HHATL: variants seen among roughly 807,000 people sequenced by gnomAD.
HHATL encodes protein-cysteine N-palmitoyltransferase HHAT-like protein.
In HHATL, 49 loss-of-function variants were observed where a neutral mutation model predicts 59.7. The ratio of observed to expected loss-of-function variants is 0.82; its 90% CI spans 0.65 to 1.04. The LOEUF is 1.04. Ranked by LOEUF, HHATL falls within the 50% of genes least tolerant of loss-of-function variation. The probability of loss-of-function intolerance (pLI) is 0.00; values close to 1 mark genes in which losing one functional copy is unlikely to be tolerated. For missense variants in HHATL, 605 were observed against 650.8 expected, an observed-to-expected ratio of 0.93 and a Z score of 0.77; for synonymous variants, 238 against 257.3, an observed-to-expected ratio of 0.93 and a Z score of 0.72.
chr3:42,698,185 A>G lies in HHATL; in HGVS notation c.650T>C (p.Phe217Ser). ...LLKYNFYLPF[F>S]FFGPIMTFDR... ...AAAGGTCATGATGGGCCCGAAGAAG[A>G]AGAAGGGCAGGTAGAAGTTGTACTT... is the stretch of plus-strand genomic sequence containing the variant. The change falls in exon 6 of 12, where the codon TTC becomes TCC. Residue 217 changes from phenylalanine to serine, a missense_variant. Phe to Ser is a radical substitution (Grantham distance 155). Coordinates refer to ENST00000441594, the MANE Select transcript of HHATL (RefSeq NM_020707.4). 6.2e-7 allele frequency: 1 copy of G among 1,614,184 alleles called. No homozygotes were observed. The highest frequency in any genetic ancestry group is 8.5e-7 in the Non-Finnish European group (1 of 1,180,024).
At chr3:42,695,000 A>C (rs1428590409) in intron 9 of HHATL, among the ~76,000 whole-genome samples, 12 of 152,044 alleles carry the variant, frequency 7.9e-5, no homozygotes, top group Admixed American at 7.9e-4. Context: ...CTGTATCCCC[A>C]GTGCCTAGAA....
Position 42,697,499 on chromosome 3 carries a change from T to C in HHATL, c.865+9A>G. 1.2e-6 allele frequency: 2 copies of C among 1,612,404 alleles called. No individual in the cohort carries two copies. Among genetic ancestry groups the C allele is most frequent in the East Asian group, 2.2e-5 (1 of 44,848 alleles). On this transcript the variant is annotated intron_variant, in intron 7 of 11. Transcript: ENST00000441594. ...CAGCCCTGCCCCCATTTCTCTTCTGTGGACCCACCGAGGGCACTGTCTGGG... is the reference window on the plus strand; with the variant it reads ...CAGCCCTGCCCCCATTTCTCTTCTGCGGACCCACCGAGGGCACTGTCTGGG...
chr3:42,697,466 T>C (rs750379198), intron 7 of HHATL, 42 bp downstream of exon 7: 7 of 1,585,484 alleles, frequency 4.4e-6, no homozygotes, highest in Middle Eastern at 1.7e-4. Context: ...TCTGTTTTCC[T>C]GGGGCGGCAG....
intron 6 of HHATL, 123 bp from the exon 7 acceptor site, chr3:42,697,802 G>T: frequency 9.6e-7 from 1 of 1,046,104 alleles, no homozygotes. Context: ...TCCTGCCTGA[G>T]GGTGGAGACA....
intron 10 of HHATL, 93 bp downstream of exon 10, chr3:42,693,523 TA>T: frequency 1.8e-6 from 2 of 1,097,108 alleles, no homozygotes; most frequent in Non-Finnish European, 2.7e-6. Context: ...AGTTCTGGAT[TA>T]GGGGCCAGGT....
At chr3:42,699,194 G>T in intron 3 of HHATL, 49 bp from the exon 4 acceptor site, 1 of 1,387,540 alleles carries the variant, frequency 7.2e-7, no homozygotes, top group Middle Eastern at 1.8e-4. Context: ...GGGTGGGAGA[G>T]GGGACAGGAC....
In HHATL at chr3:42,698,787, A is replaced by C; in HGVS notation, c.404T>G (p.Leu135Trp). 2.5e-6 allele frequency: 4 copies of C among 1,612,990 alleles called. No individual in the cohort carries two copies. Among genetic ancestry groups the C allele is most frequent in the Admixed American group, 1.7e-5 (1 of 59,756 alleles). ...HCVGLYVASL[L>W]GQPWLCLGLG... ...GCCAAGACAGAGCCAGGGCTGGCCC[A>C]AAAGCGAGGCCACATAGAGGCCCAC... The change falls in exon 5 of 12, where the codon TTG (leucine) becomes TGG (tryptophan). Residue 135 changes from leucine to tryptophan, a missense_variant. Coordinates refer to ENST00000441594, the MANE Select transcript of HHATL (RefSeq NM_020707.4).
In HHATL at chr3:42,697,003, T is replaced by C. The variant is rs1258853756; in HGVS notation, c.1008A>G (p.Glu336=). 1 of 1,608,650 alleles carries C rather than the reference T, an allele frequency of 6.2e-7. No individual in the cohort carries two copies. Among genetic ancestry groups the C allele is most frequent in the Non-Finnish European group, 8.5e-7 (1 of 1,176,882 alleles). ...KCITALYVFA[E]THFDRGINDW... ...CCCCCGTCCTGGCCAGCACTCACGT[T>C]TCCGCAAAGACGTAGAGTGCGGTGA... Residue 336 remains glutamate (E), a splice_region_variant and synonymous_variant, in exon 8 of 12, where the codon GAA becomes GAG. Coordinates refer to ENST00000441594, the MANE Select transcript of HHATL (RefSeq NM_020707.4).
At chr3:42,697,767 G>C in intron 6 of HHATL, 88 bp from the exon 7 acceptor site, 1 of 1,366,228 alleles carries the variant, frequency 7.3e-7, no homozygotes, top group East Asian at 2.4e-5. Context: ...CTTGGGGCAG[G>C]AGGAGCCATG....
chr3:42,701,868 G>A lies in HHATL; in HGVS notation c.-14+711C>T, dbSNP rs986154672. Among the ~76,000 whole-genome samples, 1 of 152,220 alleles carries A rather than the reference G, an allele frequency of 6.6e-6. No individual in the cohort carries two copies. Among genetic ancestry groups the A allele is most frequent in the African/African-American group, 2.4e-5 (1 of 41,456 alleles). ...ACTCTTGGGCTGACGGGGCCAAGAG[G>A]TGGCTGATGTGGCCCTTTTGCCCAC... On this transcript the variant is annotated intron_variant, in intron 1 of 11. Coordinates refer to ENST00000441594, the MANE Select transcript of HHATL (RefSeq NM_020707.4). The surrounding 1 kb of genome is among the most constrained non-coding windows in gnomAD (Gnocchi z 5.1).
rs754576709 is a variant in HHATL at position 42,697,013 on chromosome 3, A to G, written c.998T>C (p.Val333Ala). The G allele has an allele frequency of 2.8e-5, 45 of 1,606,938 alleles. No homozygotes were observed. Among genetic ancestry groups the G allele is most frequent in the Non-Finnish European group, 3.7e-5 (43 of 1,175,858 alleles). ...QPPKCITALY[V>A]FAETHFDRGI... ...GGCCAGCACTCACGTTTCCGCAAAG[A>G]CGTAGAGTGCGGTGATGCACTTGGG... is the stretch of plus-strand genomic sequence containing the variant. The change falls in exon 8 of 12, where the codon GTC (valine) becomes GCC (alanine). Residue 333 changes from valine to alanine, a missense_variant. Physicochemically the swap from Val to Ala is moderately conservative, Grantham distance 64 (BLOSUM62 0). Transcript: ENST00000441594.
chr3:42,697,047 G>T lies in HHATL; in HGVS notation c.964C>A (p.Pro322Thr). 1.3e-6 allele frequency: 2 copies of T among 1,594,998 alleles called. No homozygotes were observed. The highest frequency in any genetic ancestry group is 1.7e-6 in the Non-Finnish European group (2 of 1,169,594). The stretch of plus-strand genomic sequence containing the variant: ...GCGGTGATGCACTTGGGAGGCTGGG[G>T]TGGGTCCAGGTGGTCGAGGCATGCC... ...TVACLDHLDP[P>T]QPPKCITALY... is the part of the protein sequence containing the mutation. Residue 322 changes from proline (P) to threonine (T), a missense_variant, in exon 8 of 12, where the codon CCC becomes ACC. Transcript: ENST00000441594.
At chr3:42,702,219 G>A (rs566622589) in intron 1 of HHATL, among the ~76,000 whole-genome samples, 2 of 152,242 alleles carry the variant, frequency 1.3e-5, no homozygotes, top group Admixed American at 1.3e-4. Flanking sequence ...GAGAGGCCCT[G>A]GGGATCAGGT....
intron 9 of HHATL, chr3:42,694,158 A>T (rs1697492606): frequency 6.6e-6 from 2 of 301,766 alleles, no homozygotes; most frequent in Middle Eastern, 1.1e-3. Flanking sequence ...ATGTCACTTG[A>T]TTGACAGATT....
Position 42,697,031 on chromosome 3 carries a change from C to T in HHATL, c.980G>A (p.Cys327Tyr). ...CGCAAAGACGTAGAGTGCGGTGATG[C>T]ACTTGGGAGGCTGGGGTGGGTCCAG... ...DHLDPPQPPK[C>Y]ITALYVFAET... The change falls in exon 8 of 12, where the codon TGC becomes TAC. Residue 327 changes from cysteine (C) to tyrosine (Y), a missense_variant. Cys to Tyr is a radical substitution (Grantham distance 194). Coordinates refer to ENST00000441594, the MANE Select transcript of HHATL (RefSeq NM_020707.4). The T allele has an allele frequency of 1.2e-6, 2 of 1,600,630 alleles. No individual in the cohort carries two copies. Among genetic ancestry groups the T allele is most frequent in the Non-Finnish European group, 1.7e-6 (2 of 1,172,060 alleles).
chr3:42,693,980 G>A, intron 9 of HHATL, 162 bp from the exon 10 acceptor site: 1 of 628,088 alleles, frequency 1.6e-6, no homozygotes, highest in East Asian at 2.7e-5. Flanking sequence ...ACTTCAAATT[G>A]TGGCAGGCTC....
intron 6 of HHATL, 63 bp from the exon 7 acceptor site, chr3:42,697,742 G>C (rs1697701128): frequency 1.3e-6 from 2 of 1,533,142 alleles, no homozygotes; most frequent in African/African-American, 1.4e-5. Flanking sequence ...CTGTCTGAGG[G>C]GGGCTCACCA....
intron 9 of HHATL, chr3:42,694,103 T>C: frequency 4.3e-6 from 2 of 467,352 alleles, no homozygotes; most frequent in Non-Finnish European, 7.8e-6. Context: ...AATCTGTGTC[T>C]TTAGCCCAGT....
rs756531207 is a variant in HHATL, at chr3:42,693,785, G to A, written c.1080C>T (p.Ser360=). 40 of 1,613,860 alleles carry A rather than the reference G, an allele frequency of 2.5e-5. No individual in the cohort carries two copies. The East Asian group carries it at 3.8e-4, about 15-fold the overall frequency. The change falls in exon 10 of 12, where the codon TCC becomes TCT. Residue 360 remains serine (S), a synonymous_variant. Transcript: ENST00000441594. ...TGGCTGCCAGCTCTGGGATCACAGC[G>A]GAATGCTCCCCACCAATGTGGTTAT... is the stretch of plus-strand genomic sequence containing the variant. ...YVYNHIGGEH[S]AVIPELAATV... is the part of the protein sequence containing the mutation.
Sources: allele counts gnomAD v4.1 joint callset (sites outside exome capture counted in the v4.1 genomes callset), GRCh38; gene constraint gnomAD v4.1.1; non-coding constraint Gnocchi (gnomAD v3.1); transcripts MANE v1.5; gene names NCBI Gene and HGNC (gene_info 2026-07-23, HGNC 2026-07-21).